Variants in VPS36 observed in about 807,000 individuals in gnomAD.
VPS36 encodes vacuolar protein sorting 36 homolog, also known as vacuolar protein-sorting-associated protein 36.
Under a neutral mutation model 63.5 loss-of-function variants are expected in VPS36, and 31 were observed. The observed-to-expected ratio is 0.49, with a 90% CI of 0.37 to 0.66. The LOEUF (loss-of-function observed/expected upper bound fraction) is 0.66. Among genes scored for constraint, VPS36 ranks in the 30% least tolerant of loss-of-function variants. The pLI, the probability that VPS36 is intolerant of heterozygous loss-of-function variation, is 0.00. For synonymous variants in VPS36, 138 were observed against 157.2 expected (o/e 0.88, Z 0.91); for missense variants, 338 against 463.7 (o/e 0.73, Z 2.49).
chr13:52,445,287 CTT>C (rs1438985639), intron 1 of VPS36, among the ~76,000 whole-genome samples: 1 of 152,196 alleles, frequency 6.6e-6, no homozygotes, highest in Non-Finnish European at 1.5e-5. Flanking sequence ...TTTTAAATCT[CTT>C]CTTTGCCAAT....
chr13:52,443,889 A>C (rs750889231), intron 1 of VPS36, among the ~76,000 whole-genome samples: 23 of 152,118 alleles, frequency 1.5e-4, no homozygotes, highest in Non-Finnish European at 2.5e-4. Flanking sequence ...TAAAAGCAAG[A>C]TATATATTGG....
rs1248019371 is a variant in VPS36, at chr13:52,413,965, A to T, written c.*1865T>A. On this transcript the variant is annotated 3_prime_UTR_variant, in exon 14 of 14. Coordinates refer to ENST00000378060, the MANE Select transcript of VPS36 (RefSeq NM_016075.4). ...TTATATATCACTTTTCTTCCTTCTT[A>T]AGTTATTTTATACAATTCAGATTGC... The T allele has an allele frequency of 1.3e-5, 2 of 152,134 alleles. No homozygotes were observed. Among genetic ancestry groups the T allele is most frequent in the East Asian group, 3.9e-4 (2 of 5,192 alleles). 9.4% of individuals were successfully genotyped at this position (152,134 alleles called of 1,614,324 possible). A position where few individuals can be genotyped will look rare whatever the true frequency, so the allele number is the denominator to read the frequency against.
At position 52,433,724 on chromosome 13, in the gene VPS36, T is replaced by C. The variant is rs1277140565; in HGVS notation, c.466A>G (p.Ile156Val). 3 of 1,612,770 alleles carry C rather than the reference T, an allele frequency of 1.9e-6. No individual in the cohort carries two copies. The African/African-American group carries it at 4.0e-5, about 22-fold the overall frequency. Reference sequence around the variant, plus strand: ...TCCAGTTTCCTTTCAATACCTACAATTCCTACAGCCCTTATTCTTCCTGGC... The same window carrying C: ...TCCAGTTTCCTTTCAATACCTACAACTCCTACAGCCCTTATTCTTCCTGGC... ...PQPGRIRAVG[I>V]VGIERKLEEK... is the part of the protein sequence containing the mutation. Residue 156 changes from isoleucine to valine, a missense_variant, in exon 6 of 14, where the codon ATT becomes GTT. Ile to Val is a conservative substitution (Grantham distance 29, BLOSUM62 3). Coordinates refer to ENST00000378060, the MANE Select transcript of VPS36 (RefSeq NM_016075.4).
intron 1 of VPS36, among the ~76,000 whole-genome samples, chr13:52,445,354 T>C (rs1421496342): frequency 6.6e-6 from 1 of 152,206 alleles, no homozygotes; most frequent in African/African-American, 2.4e-5. Flanking sequence ...GAGTACATAA[T>C]GCTGGCCGGG....
chr13:52,436,352 G>T lies in VPS36; in HGVS notation c.289C>A (p.Pro97Thr). ...HPAPPNKEPG[P>T]FQSSKNSYIK... is the part of the protein sequence containing the mutation. ...TAGGAGTTCTTACTACTCTGGAATG[G>T]GCCAGGTTCTTTGTTAGGAGGAGCT... The change falls in exon 4 of 14, where the codon CCA (proline) becomes ACA (threonine). Residue 97 changes from proline to threonine, a missense_variant. Transcript: ENST00000378060. 6.2e-7 allele frequency: 1 copy of T among 1,613,166 alleles called. No homozygotes were observed. Among genetic ancestry groups the T allele is most frequent in the Non-Finnish European group, 8.5e-7 (1 of 1,179,764 alleles).
At chr13:52,445,923 GAGAA>G (rs1958336271) in intron 1 of VPS36, among the ~76,000 whole-genome samples, 1 of 95,456 alleles carries the variant, frequency 1.0e-5, no homozygotes. Context: ...CTGGGCGACA[GAGAA>G]AGACTCTATC....
rs547496201 is a variant in VPS36, at chr13:52,449,151, C to T, written c.96+1348G>A. On this transcript the variant is annotated intron_variant, in intron 1 of 13. Transcript: ENST00000378060. ...TTGAGGTCAGGAGTTAGAGACCAGC[C>T]TGGCCAATGTGGTGAAACCCCGTCT... Among the ~76,000 whole-genome samples, 60 of 152,268 alleles carry T rather than the reference C, an allele frequency of 3.9e-4. No homozygotes were observed. The South Asian group carries it at 0.012, about 30-fold the overall frequency.
At chr13:52,419,563 G>A (rs560032706) in intron 10 of VPS36, among the ~76,000 whole-genome samples, 2 of 152,268 alleles carry the variant, frequency 1.3e-5, no homozygotes, top group South Asian at 4.1e-4. Context: ...AATTAGTACA[G>A]CCACTATGAA....
chr13:52,419,830 T>TA lies in VPS36; in HGVS notation c.841-1775dup, dbSNP rs1162669941. The stretch of plus-strand genomic sequence containing the variant: ...ATGTTCTCACTCATTATGTGGGAGT[T>TA]AAAAAAATTGATTTCATGCAGATAG... On this transcript the variant is annotated intron_variant, in intron 10 of 13. Coordinates refer to ENST00000378060, the MANE Select transcript of VPS36 (RefSeq NM_016075.4). Among the ~76,000 whole-genome samples, 5 of 152,242 alleles carry TA rather than the reference T, an allele frequency of 3.3e-5. No homozygotes were observed. The East Asian group carries it at 5.8e-4, about 18-fold the overall frequency.
rs1301378276 is a variant in VPS36, at chr13:52,412,770, T to C, written c.*3060A>G. The C allele has an allele frequency of 1.3e-5, 2 of 152,214 alleles. No individual in the cohort carries two copies. Among genetic ancestry groups the C allele is most frequent in the African/African-American group, 4.8e-5 (2 of 41,446 alleles). The allele number at this position is 152,214 out of a possible 1,614,324, so 9.4% of individuals were successfully genotyped here. On this transcript the variant is annotated 3_prime_UTR_variant, in exon 14 of 14. Coordinates refer to ENST00000378060, the MANE Select transcript of VPS36 (RefSeq NM_016075.4). ...CCCTGTTCTCAGCTCTTAGAATACA[T>C]CCATGAACAAACCAGATAAAAACTT...
At position 52,417,468 on chromosome 13, in the gene VPS36, C is replaced by T. The variant is rs1002344056; in HGVS notation, c.906-327G>A. 1.5e-4 allele frequency among the ~76,000 whole-genome samples: 23 copies of T among 152,300 alleles called. No homozygotes were observed. The Middle Eastern group carries it at 0.01, about 68-fold the overall frequency. ...CTCCGCCTCCCGGGTTCAAGCGATT[C>T]TCCTGCCTCAGCCTCCCCAGTAGCT... On this transcript the variant is annotated intron_variant, in intron 11 of 13. Transcript: ENST00000378060.
At chr13:52,422,121 T>G (rs1243794033) in intron 10 of VPS36, among the ~76,000 whole-genome samples, 1 of 152,196 alleles carries the variant, frequency 6.6e-6, no homozygotes, top group Non-Finnish European at 1.5e-5. Flanking sequence ...CGCTCCCACT[T>G]ATACACCTTT....
intron 6 of VPS36, among the ~76,000 whole-genome samples, chr13:52,430,829 G>A (rs564787834): frequency 7.8e-4 from 119 of 151,740 alleles, no homozygotes; most frequent in African/African-American, 2.9e-3. Flanking sequence ...AAAACAGCAA[G>A]TGTCTTTTAA....
intron 6 of VPS36, among the ~76,000 whole-genome samples, chr13:52,432,352 A>AAAAAC (rs1043161772): frequency 1.3e-5 from 2 of 152,136 alleles, no homozygotes; most frequent in Admixed American, 6.5e-5. Flanking sequence ...CTCTGTCTCA[A>AAAAAC]AAAACAAAAC....
chr13:52,444,712 T>C (rs1009945236), intron 1 of VPS36, among the ~76,000 whole-genome samples: 4 of 151,608 alleles, frequency 2.6e-5, no homozygotes, highest in Non-Finnish European at 5.9e-5. Flanking sequence ...TCAAAATATA[T>C]ATAGCATGAC....
At chr13:52,444,633 TAAAC>T (rs201751706) in intron 1 of VPS36, among the ~76,000 whole-genome samples, 5,678 of 150,788 alleles carry the variant, frequency 0.038, 128 homozygotes, top group South Asian at 0.068. Flanking sequence ...ATATCATTCT[TAAAC>T]AATAAATTAT....
At chr13:52,444,797 G>A (rs770319152) in intron 1 of VPS36, among the ~76,000 whole-genome samples, 19 of 151,690 alleles carry the variant, frequency 1.3e-4, no homozygotes, top group Non-Finnish European at 2.2e-4. Flanking sequence ...TCCTCCTTTG[G>A]CCTATCCATA....
chr13:52,448,421 T>G (rs1958366763), intron 1 of VPS36, among the ~76,000 whole-genome samples: 1 of 152,196 alleles, frequency 6.6e-6, no homozygotes, highest in African/African-American at 2.4e-5. Flanking sequence ...AGGGACCGCA[T>G]AGCTGCAAGG....
chr13:52,436,036 T>C (rs1958211667), intron 4 of VPS36: 1 of 350,312 alleles, frequency 2.9e-6, no homozygotes, highest in African/African-American at 2.0e-5. Context: ...TGACTTAGTG[T>C]ATTTTCCAGC....
Sources: allele counts gnomAD v4.1 joint callset (sites outside exome capture counted in the v4.1 genomes callset), GRCh38; gene constraint gnomAD v4.1.1; transcripts MANE v1.5; gene names NCBI Gene and HGNC (gene_info 2026-07-23, HGNC 2026-07-21).